PLD1: variants seen among roughly 807,000 people sequenced by gnomAD.
PLD1 encodes choline phosphatase 1.
A neutral mutation model predicts 137.1 loss-of-function variants in PLD1; 112 were observed. The observed-to-expected ratio is 0.82, with a 90% CI of 0.70 to 0.96. The LOEUF is 0.96. Ranked by LOEUF, PLD1 falls within the 40% of genes least tolerant of loss-of-function variation. The pLI, the probability that PLD1 is intolerant of heterozygous loss-of-function variation, is 0.00. For missense variants in PLD1, 1,321 were observed against 1,342.0 expected (o/e 0.98, Z 0.24); for synonymous variants, 431 against 454.7 (o/e 0.95, Z 0.66).
chr3:171,670,512 C>T (rs1439959777), intron 19 of PLD1, among the ~76,000 whole-genome samples: 1 of 152,144 alleles, frequency 6.6e-6, no homozygotes, highest in Non-Finnish European at 1.5e-5. Context: ...TAACTCCAGC[C>T]AGTCTGTAGG....
chr3:171,747,108 C>G (rs1466122179), intron 1 of PLD1, among the ~76,000 whole-genome samples: 7 of 152,130 alleles, frequency 4.6e-5, no homozygotes, highest in Non-Finnish European at 1.0e-4. Context: ...CTCCTGAGGC[C>G]AGCGAGACCA....
intron 9 of PLD1, among the ~76,000 whole-genome samples, chr3:171,709,935 A>G (rs958968603): frequency 1.3e-5 from 2 of 152,238 alleles, no homozygotes; most frequent in African/African-American, 4.8e-5. Flanking sequence ...GCATAAAGGT[A>G]CTTACCATAG....
chr3:171,733,848 T>TC (rs1014889136), intron 5 of PLD1, among the ~76,000 whole-genome samples: 89 of 152,290 alleles, frequency 5.8e-4, no homozygotes, highest in African/African-American at 2.0e-3. Flanking sequence ...CCAAAAACTT[T>TC]CATTTTTTTT....
At chr3:171,730,416 G>C (rs1352343522) in intron 6 of PLD1, among the ~76,000 whole-genome samples, 12 of 139,510 alleles carry the variant, frequency 8.6e-5, no homozygotes, top group Non-Finnish European at 1.9e-4. Context: ...AGAACCACAA[G>C]AAGGAAAAAA....
intron 1 of PLD1, among the ~76,000 whole-genome samples, chr3:171,777,292 AGGAACC>A (rs1463219004): frequency 6.6e-6 from 1 of 152,232 alleles, no homozygotes; most frequent in Non-Finnish European, 1.5e-5. Context: ...TCTATGTCCC[AGGAACC>A]GGAGAGCTGG....
chr3:171,688,427 A>G (rs539870898), intron 14 of PLD1, among the ~76,000 whole-genome samples: 1 of 152,334 alleles, frequency 6.6e-6, no homozygotes, highest in South Asian at 2.1e-4. Context: ...TGGGACAGCC[A>G]AAATTCCACT....
chr3:171,787,459 A>G (rs1012813021), intron 1 of PLD1, among the ~76,000 whole-genome samples: 3 of 152,028 alleles, frequency 2.0e-5, no homozygotes, highest in Admixed American at 6.6e-5. Context: ...TGGTTCTCTC[A>G]CATTGCAAGA....
At chr3:171,652,715 C>T (rs1736884725) in intron 21 of PLD1, among the ~76,000 whole-genome samples, 1 of 151,086 alleles carries the variant, frequency 6.6e-6, no homozygotes, top group Non-Finnish European at 1.5e-5. Context: ...ATCCTCCCAC[C>T]TCAGCTTCCC....
At chr3:171,783,588 G>GT (rs527511476) in intron 1 of PLD1, among the ~76,000 whole-genome samples, 3 of 151,894 alleles carry the variant, frequency 2.0e-5, no homozygotes, top group African/African-American at 4.8e-5. Context: ...TTTGACTCCT[G>GT]TTTTTTTTAT....
In PLD1 at chr3:171,783,148, A is replaced by C. The variant is rs560763002; in HGVS notation, c.-32+27251T>G. On this transcript the variant is annotated intron_variant, in intron 1 of 26. Coordinates refer to ENST00000351298, the MANE Select transcript of PLD1 (RefSeq NM_002662.5). Reference sequence around the variant, plus strand: ...GTTTGAGGAAAGAAACAAAGGTGTGAAATAGTCACCTGGGAGAGTGAGTTT... The same window carrying C: ...GTTTGAGGAAAGAAACAAAGGTGTGCAATAGTCACCTGGGAGAGTGAGTTT... Among the ~76,000 whole-genome samples, 6 of 152,238 alleles carry C rather than the reference A, an allele frequency of 3.9e-5. No individual in the cohort carries two copies. In the South Asian group the frequency reaches 1.2e-3, roughly 32 times the overall value.
intron 24 of PLD1, among the ~76,000 whole-genome samples, chr3:171,618,073 T>G (rs1227516750): frequency 6.6e-6 from 1 of 151,856 alleles, no homozygotes; most frequent in African/African-American, 2.4e-5. Context: ...AAACTCTGGA[T>G]TTTTTCCTTG....
intron 19 of PLD1, among the ~76,000 whole-genome samples, chr3:171,666,783 C>T (rs1036984582): frequency 5.3e-5 from 8 of 152,256 alleles, no homozygotes; most frequent in African/African-American, 4.8e-5. Context: ...TTTCAAACCA[C>T]GAGTTTGAAT....
intron 1 of PLD1, among the ~76,000 whole-genome samples, chr3:171,746,607 G>T (rs940051880): frequency 3.9e-5 from 6 of 151,994 alleles, no homozygotes; most frequent in African/African-American, 1.5e-4. Context: ...ACCAGTCAGT[G>T]CTCTGTGTCT....
intron 1 of PLD1, among the ~76,000 whole-genome samples, chr3:171,784,870 C>G (rs1722935075): frequency 1.3e-5 from 2 of 152,212 alleles, no homozygotes; most frequent in African/African-American, 4.8e-5. Context: ...ATATTTGAAT[C>G]TGGATCTCCA....
chr3:171,763,834 T>C (rs920190737), intron 1 of PLD1, among the ~76,000 whole-genome samples: 13 of 77,644 alleles, frequency 1.7e-4, no homozygotes, highest in East Asian at 1.6e-3. Context: ...TTCTTTCTTT[T>C]TTTTTTTTTT....
chr3:171,773,939 G>A (rs1722501567), intron 1 of PLD1, among the ~76,000 whole-genome samples: 1 of 152,008 alleles, frequency 6.6e-6, no homozygotes, highest in African/African-American at 2.4e-5. Flanking sequence ...TAGTAGAGAC[G>A]GGGTTTCACC....
At chr3:171,688,631 A>G in intron 14 of PLD1, 45 bp downstream of exon 14, 1 of 1,394,762 alleles carries the variant, frequency 7.2e-7, no homozygotes, top group South Asian at 1.2e-5. Flanking sequence ...ACTTATACAA[A>G]TTATGTTCGT....
intron 8 of PLD1, among the ~76,000 whole-genome samples, chr3:171,721,081 C>T (rs1248651242): frequency 6.6e-6 from 1 of 152,162 alleles, no homozygotes; most frequent in African/African-American, 2.4e-5. Context: ...AACAGAACTC[C>T]ATGAGGGCAG....
intron 1 of PLD1, among the ~76,000 whole-genome samples, chr3:171,762,493 G>A (rs1467023186): frequency 5.9e-5 from 9 of 152,212 alleles, no homozygotes; most frequent in Admixed American, 6.5e-5. Context: ...CAAGCCAGGG[G>A]AGGACACAGT....
Sources: allele counts gnomAD v4.1 joint callset (sites outside exome capture counted in the v4.1 genomes callset), GRCh38; gene constraint gnomAD v4.1.1; transcripts MANE v1.5; gene names NCBI Gene and HGNC (gene_info 2026-07-23, HGNC 2026-07-21).